RPTOR: variants seen among roughly 807,000 people sequenced by gnomAD.
The protein encoded by RPTOR is regulatory-associated protein of mTOR.
In RPTOR, 21 loss-of-function variants were observed where a neutral mutation model predicts 169.9. The observed-to-expected ratio is 0.12, with a 90% CI of 0.09 to 0.18. RPTOR has a LOEUF of 0.18. Among genes scored for constraint, RPTOR ranks in the 10% least tolerant of loss-of-function variants. RPTOR has a pLI of 1.00. For missense variants in RPTOR, 1,133 were observed against 1,855.9 expected (o/e 0.61, Z 7.16); for synonymous variants, 732 against 753.2 (o/e 0.97, Z 0.46).
At chr17:80,599,669 C>T (rs1012169660) in intron 1 of RPTOR, among the ~76,000 whole-genome samples, 17 of 152,322 alleles carry the variant, frequency 1.1e-4, no homozygotes, top group African/African-American at 3.8e-4. Context: ...GCACTGCAGA[C>T]GGTGTCCACC....
chr17:80,946,012 C>T (rs2069099029), intron 26 of RPTOR, among the ~76,000 whole-genome samples: 1 of 152,190 alleles, frequency 6.6e-6, no homozygotes, highest in African/African-American at 2.4e-5. Context: ...AAGGACAGTC[C>T]AGAGTCCTGC....
At chr17:80,846,307 C>G (rs1323210244) in intron 10 of RPTOR, among the ~76,000 whole-genome samples, 166 bp from the exon 11 acceptor site, 1 of 152,278 alleles carries the variant, frequency 6.6e-6, no homozygotes, top group Non-Finnish European at 1.5e-5. Context: ...GGCTCTCCCT[C>G]TTTGGCATGC....
chr17:80,635,519 C>T lies in RPTOR; in HGVS notation c.266-8209C>T, dbSNP rs556211200. Among the ~76,000 whole-genome samples, 13 of 152,296 alleles carry T rather than the reference C, an allele frequency of 8.5e-5. No homozygotes were observed. The South Asian group carries it at 1.7e-3, about 19-fold the overall frequency. ...GCTGGCAGATGGTGGGGTACCATTT[C>T]GCACATGGTGAGGTGCTTGTAGGAA... On this transcript the variant is annotated intron_variant, in intron 2 of 33. Coordinates refer to ENST00000306801, the MANE Select transcript of RPTOR (RefSeq NM_020761.3).
intron 20 of RPTOR, among the ~76,000 whole-genome samples, chr17:80,901,560 C>T (rs2068476715): frequency 6.6e-6 from 1 of 152,200 alleles, no homozygotes; most frequent in South Asian, 2.1e-4. Context: ...CTGGAAACCA[C>T]CGTGCTTACC....
chr17:80,603,551 C>G (rs7221617), intron 1 of RPTOR, among the ~76,000 whole-genome samples: 150,340 of 152,306 alleles, frequency 0.99, 74,214 homozygotes, highest in East Asian at 1. Flanking sequence ...TTCCTGCTTC[C>G]AGGATTTACT....
At chr17:80,788,470 T>A (rs549640789) in intron 6 of RPTOR, among the ~76,000 whole-genome samples, 1 of 151,934 alleles carries the variant, frequency 6.6e-6, no homozygotes, top group Non-Finnish European at 1.5e-5. Context: ...AATAAATAAA[T>A]AAAAATAAAA....
intron 1 of RPTOR, among the ~76,000 whole-genome samples, chr17:80,566,168 C>A (rs912421784): frequency 6.6e-5 from 10 of 152,186 alleles, no homozygotes; most frequent in Admixed American, 5.2e-4. Context: ...GTCTAAGACT[C>A]CTCCTGCATA....
intron 20 of RPTOR, among the ~76,000 whole-genome samples, chr17:80,895,096 C>T (rs1451080906): frequency 1.3e-5 from 2 of 152,232 alleles, no homozygotes; most frequent in Non-Finnish European, 2.9e-5. Flanking sequence ...TTTCTTCTTG[C>T]CTTTTGTTCC....
At chr17:80,654,636 G>A (rs777129633) in intron 3 of RPTOR, among the ~76,000 whole-genome samples, 2 of 152,214 alleles carry the variant, frequency 1.3e-5, no homozygotes, top group Non-Finnish European at 2.9e-5. Context: ...TGTGTGGCAG[G>A]CTCCTTAATC....
intron 3 of RPTOR, among the ~76,000 whole-genome samples, chr17:80,700,704 T>TGATGATGGTGAC (rs1327769138): frequency 2.1e-5 from 1 of 48,164 alleles, no homozygotes; most frequent in African/African-American, 8.6e-5. Flanking sequence ...GTGATGGTGG[T>TGATGATGGTGAC]GGTGATGGTG....
chr17:80,832,783 G>A (rs2067520383), intron 9 of RPTOR, among the ~76,000 whole-genome samples: 1 of 152,138 alleles, frequency 6.6e-6, no homozygotes, highest in Non-Finnish European at 1.5e-5. Flanking sequence ...CATCCCCAGG[G>A]AGCACACAGG....
intron 7 of RPTOR, chr17:80,805,272 C>T (rs2067207217): frequency 6.6e-6 from 1 of 152,366 alleles, no homozygotes; most frequent in Non-Finnish European, 1.5e-5. Flanking sequence ...ATCCTGGAAG[C>T]TCACCCTCCT....
intron 1 of RPTOR, among the ~76,000 whole-genome samples, chr17:80,563,783 A>G (rs1431646424): frequency 6.6e-6 from 1 of 152,084 alleles, no homozygotes; most frequent in Non-Finnish European, 1.5e-5. Context: ...TCACAACCAG[A>G]TCCAGAAACA....
intron 6 of RPTOR, chr17:80,774,219 C>T (rs1308707198): frequency 8.1e-6 from 8 of 985,262 alleles, no homozygotes; most frequent in Middle Eastern, 5.2e-4. Context: ...CTTGAGTTCT[C>T]GGTTCTCGAC....
At chr17:80,923,726 G>A (rs751696873) in intron 23 of RPTOR, 53 bp downstream of exon 23, 8 of 1,490,168 alleles carry the variant, frequency 5.4e-6, no homozygotes, top group Non-Finnish European at 7.2e-6. Context: ...TTGCTTCTCA[G>A]ATGGGGGCTC....
chr17:80,579,468 A>C (rs544321390), intron 1 of RPTOR, among the ~76,000 whole-genome samples: 3 of 152,338 alleles, frequency 2.0e-5, no homozygotes, highest in South Asian at 4.1e-4. Context: ...CTGGGATCAT[A>C]GGCGTGAGCC....
chr17:80,817,199 G>C (rs1285462344), intron 7 of RPTOR, among the ~76,000 whole-genome samples: 1 of 152,198 alleles, frequency 6.6e-6, no homozygotes, highest in Non-Finnish European at 1.5e-5. Flanking sequence ...AAGCCTCTGA[G>C]AGGCTGGGCA....
chr17:80,866,892 T>A (rs1288037782), intron 13 of RPTOR, among the ~76,000 whole-genome samples: 3 of 152,180 alleles, frequency 2.0e-5, no homozygotes, highest in African/African-American at 4.8e-5. Flanking sequence ...CAAGTGGAAT[T>A]TGTAGTGAAA....
At chr17:80,760,693 G>A (rs12950541) in intron 6 of RPTOR, among the ~76,000 whole-genome samples, 26,948 of 152,174 alleles carry the variant, frequency 0.18, 2,834 homozygotes, top group East Asian at 0.24. Flanking sequence ...AAGGGAACTA[G>A]GATTGGGCTG....
Sources: gnomAD v4.1 joint callset for allele counts (sites outside exome capture counted in the v4.1 genomes callset) on GRCh38, gnomAD v4.1.1 for gene constraint, MANE v1.5 for transcripts, NCBI Gene and HGNC (gene_info 2026-07-23, HGNC 2026-07-21) for gene names.